The following C1orf21 variants were observed in gnomAD, a reference collection of about 807,000 sequenced individuals.
C1orf21 encodes the protein chromosome 1 open reading frame 21, also known as uncharacterized protein C1orf21.
A neutral mutation model predicts 18.7 loss-of-function variants in C1orf21; 3 were observed. That is an observed-to-expected ratio of 0.16 (90% confidence interval 0.07 to 0.42). C1orf21 has a LOEUF of 0.42. Among genes scored for constraint, C1orf21 ranks in the 10% least tolerant of loss-of-function variants. C1orf21 has a pLI of 0.99. For missense variants in C1orf21, 104 were observed against 143.6 expected, an observed-to-expected ratio of 0.72 and a Z score of 1.41; for synonymous variants, 41 against 46.4, an observed-to-expected ratio of 0.88 and a Z score of 0.47.
At chr1:184,543,893 A>T (rs1239613053) in intron 3 of C1orf21, among the ~76,000 whole-genome samples, 1 of 152,044 alleles carries the variant, frequency 6.6e-6, no homozygotes, top group Non-Finnish European at 1.5e-5. Flanking sequence ...TTTCAGAACC[A>T]TTTATTCTCA....
Position 184,620,091 on chromosome 1 carries a change from T to G in C1orf21, c.*535T>G, listed in dbSNP as rs1659893004. 6.5e-6 allele frequency: 1 copy of G among 152,952 alleles called. No homozygotes were observed. Among genetic ancestry groups the G allele is most frequent in the African/African-American group, 2.4e-5 (1 of 41,454 alleles). 9.5% of individuals were successfully genotyped at this position (152,952 alleles called of 1,614,324 possible). A position where few individuals can be genotyped will look rare whatever the true frequency, so the allele number is the denominator to read the frequency against. On this transcript the variant is annotated 3_prime_UTR_variant, in exon 6 of 6. Coordinates refer to ENST00000235307, the MANE Select transcript of C1orf21 (RefSeq NM_030806.4). ...TGGTTGCTATGCCAAGCCTTGTTTC[T>G]CTGCTCAGAAGAAGTAGAGAAGCTA...
At chr1:184,445,102 G>A (rs1047159142) in intron 1 of C1orf21, among the ~76,000 whole-genome samples, 3 of 152,122 alleles carry the variant, frequency 2.0e-5, no homozygotes, top group Non-Finnish European at 4.4e-5. Context: ...TGGGCCTTGT[G>A]GATGAGTAAA....
At chr1:184,466,855 C>T (rs577573646) in intron 1 of C1orf21, among the ~76,000 whole-genome samples, 5 of 151,780 alleles carry the variant, frequency 3.3e-5, no homozygotes, top group South Asian at 2.1e-4. Context: ...ATCTCTGGTC[C>T]CTAGTGGAAT....
intron 1 of C1orf21, among the ~76,000 whole-genome samples, chr1:184,437,927 A>C (rs1571357362): frequency 6.6e-6 from 1 of 152,096 alleles, no homozygotes; most frequent in Non-Finnish European, 1.5e-5. Context: ...TCTCATGTGC[A>C]GTTCACAATA....
chr1:184,471,521 TAAGA>T (rs1657496610), intron 1 of C1orf21, among the ~76,000 whole-genome samples: 1 of 152,234 alleles, frequency 6.6e-6, no homozygotes, highest in African/African-American at 2.4e-5. Flanking sequence ...TCATAGAGTC[TAAGA>T]AAGAGGCCGA....
chr1:184,457,743 T>C (rs929770143), intron 1 of C1orf21, among the ~76,000 whole-genome samples: 2 of 152,144 alleles, frequency 1.3e-5, no homozygotes, highest in Non-Finnish European at 2.9e-5. Context: ...GGCTGTAACA[T>C]AAATAAAGAG....
chr1:184,500,790 C>T (rs563322023), intron 2 of C1orf21, among the ~76,000 whole-genome samples: 1 of 152,284 alleles, frequency 6.6e-6, no homozygotes, highest in South Asian at 2.1e-4. Flanking sequence ...CATGACTGCT[C>T]CTCATTCTGA....
chr1:184,460,124 A>G (rs1243344560), intron 1 of C1orf21, among the ~76,000 whole-genome samples: 1 of 152,192 alleles, frequency 6.6e-6, no homozygotes, highest in East Asian at 1.9e-4. Flanking sequence ...CAAATTGGAA[A>G]TCATCACTGC....
At chr1:184,469,198 C>T (rs551080139) in intron 1 of C1orf21, among the ~76,000 whole-genome samples, 2 of 152,216 alleles carry the variant, frequency 1.3e-5, no homozygotes, top group East Asian at 1.9e-4. Flanking sequence ...TTCAGTGAGC[C>T]GAGGTCGCGC....
intron 3 of C1orf21, among the ~76,000 whole-genome samples, chr1:184,562,414 G>T (rs960998423): frequency 6.6e-6 from 1 of 152,210 alleles, no homozygotes; most frequent in Admixed American, 6.5e-5. Flanking sequence ...ATAGGAAGTA[G>T]CTCACATTTT....
intron 1 of C1orf21, among the ~76,000 whole-genome samples, chr1:184,417,510 T>C (rs914886852): frequency 6.6e-6 from 1 of 152,244 alleles, no homozygotes; most frequent in African/African-American, 2.4e-5. Flanking sequence ...TTAGGTTTGG[T>C]ATCTTATTTA....
chr1:184,457,340 C>T (rs1392158545), intron 1 of C1orf21, among the ~76,000 whole-genome samples: 4 of 152,030 alleles, frequency 2.6e-5, no homozygotes, highest in South Asian at 2.1e-4. Flanking sequence ...CGTAGACTAA[C>T]GTCATCAAAC....
At chr1:184,522,813 G>A (rs981669705) in intron 3 of C1orf21, among the ~76,000 whole-genome samples, 1 of 152,178 alleles carries the variant, frequency 6.6e-6, no homozygotes, top group African/African-American at 2.4e-5. Flanking sequence ...TCAGCCTCCT[G>A]AGTAGCTGGG....
intron 3 of C1orf21, among the ~76,000 whole-genome samples, chr1:184,515,158 G>C (rs1658204998): frequency 6.6e-6 from 1 of 152,150 alleles, no homozygotes; most frequent in Admixed American, 6.6e-5. Context: ...CTATTTTCCT[G>C]TTACTTTTAT....
At chr1:184,481,551 A>G (rs1323224267) in intron 2 of C1orf21, among the ~76,000 whole-genome samples, 2 of 152,156 alleles carry the variant, frequency 1.3e-5, no homozygotes, top group East Asian at 3.8e-4. Context: ...GAGGGTCAAG[A>G]TTGGGGCTAA....
At chr1:184,566,410 G>A (rs1659036313) in intron 3 of C1orf21, 1 of 159,204 alleles carries the variant, frequency 6.3e-6, no homozygotes, top group Non-Finnish European at 1.4e-5. Flanking sequence ...AGTGACACAT[G>A]TCGGACAGCT....
At chr1:184,411,909 G>A (rs1009725884) in intron 1 of C1orf21, 3 of 152,280 alleles carry the variant, frequency 2.0e-5, no homozygotes, top group East Asian at 1.9e-4. Context: ...AGAGATGATT[G>A]TATATTTAGA....
chr1:184,471,178 C>T (rs762991798), intron 1 of C1orf21, among the ~76,000 whole-genome samples: 1 of 152,182 alleles, frequency 6.6e-6, no homozygotes, highest in African/African-American at 2.4e-5. Context: ...CCAACTTTTT[C>T]TAACCAGCTC....
At chr1:184,527,793 A>G (rs1219083796) in intron 3 of C1orf21, among the ~76,000 whole-genome samples, 3 of 152,198 alleles carry the variant, frequency 2.0e-5, no homozygotes, top group Admixed American at 1.3e-4. Context: ...TGTAGTTTAT[A>G]GTAACTACCT....
Sources: gnomAD v4.1 joint callset for allele counts (sites outside exome capture counted in the v4.1 genomes callset) on GRCh38, gnomAD v4.1.1 for gene constraint, MANE v1.5 for transcripts, NCBI Gene and HGNC (gene_info 2026-07-23, HGNC 2026-07-21) for gene names.